The following COX16 variants were observed in gnomAD, a reference collection of about 807,000 sequenced individuals.
The protein encoded by COX16 is cytochrome c oxidase assembly protein COX16 homolog, mitochondrial.
A neutral mutation model predicts 15.4 loss-of-function variants in COX16; 12 were observed. The observed-to-expected ratio is 0.78, with a 90% CI of 0.50 to 1.26. COX16 has a LOEUF of 1.26. Among genes scored for constraint, COX16 ranks in the 50% most tolerant of loss-of-function variants. The probability of loss-of-function intolerance (pLI) is 0.00; values close to 1 mark genes in which losing one functional copy is unlikely to be tolerated. For missense variants in COX16, 124 were observed against 127.6 expected (o/e 0.97, Z 0.14); for synonymous variants, 46 against 41.1 (o/e 1.12, Z -0.46).
rs186482197 is a variant in COX16 at position 70,336,356 on chromosome 14, G to C, written c.141+6302C>G. On this transcript the variant is annotated intron_variant, in intron 2 of 3. Transcript: ENST00000389912. ...CGGCAGGAGGAGAGATTAGGAAGCA[G>C]CACACAGAATGGGTCTGGAATGCTT... 1.1e-3 allele frequency among the ~76,000 whole-genome samples: 172 copies of C among 152,320 alleles called. No homozygotes were observed. In the Middle Eastern group the frequency reaches 0.034, roughly 30 times the overall value.
chr14:70,343,836 A>G (rs1426296152), intron 1 of COX16, among the ~76,000 whole-genome samples: 2 of 152,230 alleles, frequency 1.3e-5, no homozygotes, highest in Non-Finnish European at 2.9e-5. Context: ...TTATCAAGAC[A>G]GGGGAATTAC....
intron 2 of COX16, among the ~76,000 whole-genome samples, chr14:70,334,107 TAAG>T (rs1202642794): frequency 2.0e-5 from 3 of 152,214 alleles, no homozygotes; most frequent in Non-Finnish European, 2.9e-5. Flanking sequence ...TACTAAAAGA[TAAG>T]AATACTGCAT....
At chr14:70,326,932 T>C (rs572301730) in intron 3 of COX16, among the ~76,000 whole-genome samples, 42 of 152,346 alleles carry the variant, frequency 2.8e-4, no homozygotes, top group African/African-American at 9.9e-4. Flanking sequence ...TTCCTACAGC[T>C]ATCTATCATA....
intron 1 of COX16, among the ~76,000 whole-genome samples, chr14:70,349,941 C>A (rs1886896526): frequency 6.6e-6 from 1 of 152,208 alleles, no homozygotes; most frequent in Non-Finnish European, 1.5e-5. Flanking sequence ...GCTCCTGATA[C>A]AACGACATGG....
At chr14:70,349,472 C>G (rs570569765) in intron 1 of COX16, among the ~76,000 whole-genome samples, 171 of 152,342 alleles carry the variant, frequency 1.1e-3, no homozygotes, top group African/African-American at 3.9e-3. Flanking sequence ...TCCATCCAGT[C>G]CGATACAGGC....
chr14:70,327,699 G>GA (rs1364178712), intron 3 of COX16, among the ~76,000 whole-genome samples: 2 of 152,140 alleles, frequency 1.3e-5, no homozygotes, highest in African/African-American at 4.8e-5. Flanking sequence ...GGTAACGTAA[G>GA]ATATGTATGC....
chr14:70,330,165 G>A (rs1886237304), intron 2 of COX16, among the ~76,000 whole-genome samples: 1 of 151,904 alleles, frequency 6.6e-6, no homozygotes, highest in South Asian at 2.1e-4. Flanking sequence ...AGAGAAAAAA[G>A]AGAAGTCACA....
intron 1 of COX16, among the ~76,000 whole-genome samples, chr14:70,350,373 G>A (rs545469845): frequency 1.3e-5 from 2 of 152,256 alleles, no homozygotes; most frequent in Admixed American, 1.3e-4. Context: ...CGCCATTTTA[G>A]GCCTCAGCCC....
chr14:70,338,408 CG>C (rs1254370055), intron 2 of COX16, among the ~76,000 whole-genome samples: 1 of 152,174 alleles, frequency 6.6e-6, no homozygotes, highest in Non-Finnish European at 1.5e-5. Flanking sequence ...CCACCATGCC[CG>C]GCCCCAGAAG....
intron 3 of COX16, among the ~76,000 whole-genome samples, chr14:70,327,931 A>G (rs1223043338): frequency 2.0e-5 from 3 of 152,104 alleles, no homozygotes; most frequent in Non-Finnish European, 4.4e-5. Flanking sequence ...AAATGCTGAG[A>G]AAAAACAGTG....
In COX16 at chr14:70,326,487, A is replaced by G. The variant is rs531732880; in HGVS notation, c.205-38T>C. 30 of 1,485,354 alleles carry G rather than the reference A, an allele frequency of 2.0e-5. No individual in the cohort carries two copies. The Admixed American group carries it at 5.6e-4, about 28-fold the overall frequency. 92.0% of individuals were successfully genotyped at this position (1,485,354 alleles called of 1,614,324 possible). A position where few individuals can be genotyped will look rare whatever the true frequency, so the allele number is the denominator to read the frequency against. On this transcript the variant is annotated intron_variant, in intron 3 of 3. Transcript: ENST00000389912. ...AAAAAATTAAAGTATAAATATTAGT[A>G]TAAGAGCCTGTGGCTTTGATTAGGA...
intron 1 of COX16, 181 bp downstream of exon 1, chr14:70,359,338 A>C: frequency 1.4e-5 from 9 of 657,726 alleles, no homozygotes; most frequent in Non-Finnish European, 2.2e-5. Flanking sequence ...GCGGCGGGGA[A>C]GTGGGGGTGT....
At chr14:70,328,384 A>G (rs1369057837) in intron 3 of COX16, among the ~76,000 whole-genome samples, 1 of 152,016 alleles carries the variant, frequency 6.6e-6, no homozygotes. Flanking sequence ...ATTATTCACA[A>G]TGACTACCTT....
chr14:70,359,409 G>A (rs1887230454), intron 1 of COX16, 110 bp downstream of exon 1: 1 of 979,832 alleles, frequency 1.0e-6, no homozygotes, highest in African/African-American at 1.6e-5. Flanking sequence ...CTCCTTCCTA[G>A]CCCGAGTGCC....
intron 3 of COX16, among the ~76,000 whole-genome samples, chr14:70,327,101 A>AT (rs1354561071): frequency 6.6e-6 from 1 of 152,192 alleles, no homozygotes; most frequent in Non-Finnish European, 1.5e-5. Flanking sequence ...CCACTCTGAC[A>AT]TTAACTTTTA....
intron 2 of COX16, among the ~76,000 whole-genome samples, chr14:70,339,379 A>G (rs1208886493): frequency 1.3e-5 from 2 of 152,176 alleles, no homozygotes. Flanking sequence ...AACTTTGCAC[A>G]TCCATTACTG....
chr14:70,333,940 C>T (rs1440954611), intron 2 of COX16, among the ~76,000 whole-genome samples: 1 of 152,086 alleles, frequency 6.6e-6, no homozygotes, highest in African/African-American at 2.4e-5. Context: ...ATTTAGAGTG[C>T]TGAGGAAAAC....
At chr14:70,348,273 A>C (rs967671464) in intron 1 of COX16, among the ~76,000 whole-genome samples, 5 of 152,048 alleles carry the variant, frequency 3.3e-5, no homozygotes, top group Non-Finnish European at 7.4e-5. Flanking sequence ...CTAGCTCACC[A>C]CAGTGTACTA....
intron 3 of COX16, among the ~76,000 whole-genome samples, chr14:70,328,013 TC>T (rs1183044327): frequency 6.7e-6 from 1 of 149,406 alleles, no homozygotes; most frequent in Non-Finnish European, 1.5e-5. Flanking sequence ...TACCCTGACA[TC>T]CACCTAAGAC....
Sources: allele counts gnomAD v4.1 joint callset (sites outside exome capture counted in the v4.1 genomes callset), GRCh38; gene constraint gnomAD v4.1.1; transcripts MANE v1.5; gene names NCBI Gene and HGNC (gene_info 2026-07-23, HGNC 2026-07-21).